Variants in GSTZ1 observed in about 807,000 individuals in gnomAD.
GSTZ1 encodes the protein maleylacetoacetate isomerase.
GSTZ1 carries 34 observed loss-of-function variants against 35.9 expected under a neutral mutation model. The observed-to-expected ratio is 0.95, with a 90% CI of 0.72 to 1.26. The LOEUF is 1.26. Among genes scored for constraint, GSTZ1 ranks in the 50% most tolerant of loss-of-function variants. The probability of loss-of-function intolerance (pLI) is 0.00; values close to 1 mark genes in which losing one functional copy is unlikely to be tolerated. For missense variants in GSTZ1, 263 were observed against 271.7 expected, an observed-to-expected ratio of 0.97 and a Z score of 0.23; for synonymous variants, 93 against 101.2, an observed-to-expected ratio of 0.92 and a Z score of 0.49.
intron 1 of GSTZ1, chr14:77,321,493 C>T (rs1180133896): frequency 2.8e-6 from 4 of 1,426,174 alleles, no homozygotes; most frequent in Non-Finnish European, 2.8e-6. Context: ...TCCACTAAGG[C>T]TTCCAAACGT....
Position 77,328,029 on chromosome 14 carries a change from C to T in GSTZ1, c.334C>T (p.Pro112Ser), listed in dbSNP as rs1285459120. The change falls in exon 5 of 9, where the codon CCC (proline) becomes TCC (serine). Residue 112 changes from proline (P) to serine (S), a missense_variant. Pro to Ser is a moderately conservative substitution (Grantham distance 74). Transcript: ENST00000216465. The stretch of plus-strand genomic sequence containing the variant: ...TGACCTCATCGCTGGTGGCATCCAG[C>T]CCCTGCAGGTGTGGCACTTGTACAC... ...ISDLIAGGIQ[P>S]LQNLSVLKQV... The T allele has an allele frequency of 6.2e-7, 1 of 1,613,758 alleles. No individual in the cohort carries two copies. Among genetic ancestry groups the T allele is most frequent in the African/African-American group, 1.3e-5 (1 of 74,884 alleles).
rs1892252125 is a variant in GSTZ1 at position 77,325,082 on chromosome 14, A to G, written c.67+161A>G. ...CGGCTCCTAGAACCCCCATCCCTGC[A>G]TGGCATCTCCACCCCGGAAACACAG... is the stretch of plus-strand genomic sequence containing the variant. On this transcript the variant is annotated intron_variant, in intron 2 of 8. Transcript: ENST00000216465. 4.6e-6 allele frequency: 3 copies of G among 657,888 alleles called. No individual in the cohort carries two copies. In the South Asian group the frequency reaches 5.1e-5, roughly 11 times the overall value. 40.8% of individuals were successfully genotyped at this position (657,888 alleles called of 1,614,324 possible).
rs1055749301 is a variant in GSTZ1, at chr14:77,326,682, G to T, written c.68-156G>T. On this transcript the variant is annotated intron_variant, in intron 2 of 8. Transcript: ENST00000216465. The stretch of plus-strand genomic sequence containing the variant: ...GGAGCACGTGGTGACAAGGAAAGCT[G>T]AGAGAAGGGGATAGTGCCACGGTGA... 2.0e-5 allele frequency: 12 copies of T among 596,116 alleles called. No individual in the cohort carries two copies. The African/African-American group carries it at 2.0e-4, about 10-fold the overall frequency. The allele number at this position is 596,116 out of a possible 1,614,324, so 36.9% of individuals were successfully genotyped here.
intron 2 of GSTZ1, 114 bp downstream of exon 2, chr14:77,325,035 A>C: frequency 1.2e-6 from 1 of 829,764 alleles, no homozygotes; most frequent in Non-Finnish European, 2.1e-6. Context: ...AGAGGACCTC[A>C]CCCCCAGCAA....
chr14:77,326,133 C>A (rs1380364874), intron 2 of GSTZ1: 1 of 152,194 alleles, frequency 6.6e-6, no homozygotes, highest in Admixed American at 6.5e-5. Flanking sequence ...TGCATGCACA[C>A]GCACGCAGTC....
Position 77,331,084 on chromosome 14 carries a change from C to T in GSTZ1, c.540C>T (p.Leu180=), listed in dbSNP as rs1892604357. The T allele has an allele frequency of 6.2e-7, 1 of 1,613,802 alleles. No homozygotes were observed. Among genetic ancestry groups the T allele is most frequent in the African/African-American group, 1.3e-5 (1 of 74,914 alleles). The change falls in exon 9 of 9, where the codon CTC becomes CTT. Residue 180 remains leucine (L), a synonymous_variant. Transcript: ENST00000216465. ...TCTACTACAGATTCAAGGTGGATCT[C>T]ACCCCCTACCCTACCATCAGCTCCA... is the stretch of plus-strand genomic sequence containing the variant. ...VANAERFKVD[L]TPYPTISSIN...
chr14:77,325,062 C>T, intron 2 of GSTZ1, 141 bp downstream of exon 2: 2 of 703,302 alleles, frequency 2.8e-6, no homozygotes, highest in East Asian at 5.4e-5. Flanking sequence ...TCCCCCGGCT[C>T]CTAGAACCCC....
At position 77,324,970 on chromosome 14, in the gene GSTZ1, G is replaced by A. The variant is rs370217197; in HGVS notation, c.67+49G>A. ...ATGAGTGCTGGAGTGGGGTGGACTG[G>A]GGCGGATAAGCCCGGGTGCAAAGCT... On this transcript the variant is annotated intron_variant, in intron 2 of 8. Coordinates refer to ENST00000216465, the MANE Select transcript of GSTZ1 (RefSeq NM_145870.3). 1.3e-4 allele frequency: 198 copies of A among 1,502,180 alleles called. No individual in the cohort carries two copies. In the Admixed American group the frequency reaches 2.9e-3, roughly 22 times the overall value. The allele number at this position is 1,502,180 out of a possible 1,614,324, so 93.1% of individuals were successfully genotyped here. A position where few individuals can be genotyped will look rare whatever the true frequency, so the allele number is the denominator to read the frequency against.
chr14:77,324,919 T>A lies in GSTZ1; in HGVS notation c.65T>A (p.Ile22Asn). 6.2e-7 allele frequency: 1 copy of A among 1,612,902 alleles called. No individual in the cohort carries two copies. Among genetic ancestry groups the A allele is most frequent in the Non-Finnish European group, 8.5e-7 (1 of 1,178,888 alleles). The change falls in exon 2 of 9, where the codon ATT (isoleucine) becomes AAT (asparagine). Residue 22 changes from isoleucine to asparagine, a missense_variant and splice_region_variant. Coordinates refer to ENST00000216465, the MANE Select transcript of GSTZ1 (RefSeq NM_145870.3). ...AGCTCCTGCTCATGGAGAGTTCGAATTGGTAAGAGATGTGCCTCCTCCAGG... is the reference window on the plus strand; with the variant it reads ...AGCTCCTGCTCATGGAGAGTTCGAAATGGTAAGAGATGTGCCTCCTCCAGG... ...FRSSCSWRVRIALALKGIDYE... is the reference protein window; with the variant it reads ...FRSSCSWRVRNALALKGIDYE...
intron 2 of GSTZ1, chr14:77,326,396 C>T (rs1892314811): frequency 6.2e-6 from 1 of 160,546 alleles, no homozygotes; most frequent in East Asian, 1.8e-4. Context: ...CACCTGAGCT[C>T]CTTCCCTTGG....
intron 4 of GSTZ1, 146 bp from the exon 5 acceptor site, chr14:77,327,766 C>G: frequency 2.5e-6 from 2 of 810,986 alleles, no homozygotes; most frequent in East Asian, 5.2e-5. Context: ...TCCAAAAAGG[C>G]TTATAGGGCT....
rs553754398 is a variant in GSTZ1, at chr14:77,322,796, A to T, written c.15+1613A>T. The T allele has an allele frequency of 5.4e-6, 4 of 742,330 alleles. No homozygotes were observed. In the East Asian group the frequency reaches 5.2e-4, roughly 96 times the overall value. The allele number at this position is 742,330 out of a possible 1,614,324, so 46.0% of individuals were successfully genotyped here. A position where few individuals can be genotyped will look rare whatever the true frequency, so the allele number is the denominator to read the frequency against. ...CCATCTTGGAAGGGCCTAGGTTCCC[A>T]CTTACACCCTTGCCATCTAGCAGAC... On this transcript the variant is annotated intron_variant, in intron 1 of 8. Transcript: ENST00000216465.
intron 2 of GSTZ1, chr14:77,325,193 T>C: frequency 2.3e-6 from 1 of 437,274 alleles, no homozygotes; most frequent in East Asian, 4.1e-5. Flanking sequence ...TTGGCAACCA[T>C]GTTTAAAGCA....
At position 77,328,055 on chromosome 14, in the gene GSTZ1, T is replaced by C; in HGVS notation, c.342+18T>C. 6.2e-7 allele frequency: 1 copy of C among 1,601,840 alleles called. No individual in the cohort carries two copies. The highest frequency in any genetic ancestry group is 8.5e-7 in the Non-Finnish European group (1 of 1,178,614). On this transcript the variant is annotated intron_variant, in intron 5 of 8. Coordinates refer to ENST00000216465, the MANE Select transcript of GSTZ1 (RefSeq NM_145870.3). ...CCCTGCAGGTGTGGCACTTGTACAC[T>C]TGCACCCTTGCACACCTGACACACT...
Position 77,327,947 on chromosome 14 carries a change from C to T in GSTZ1, c.252C>T (p.Pro84=). 1.2e-6 allele frequency: 2 copies of T among 1,613,886 alleles called. No homozygotes were observed. The highest frequency in any genetic ancestry group is 2.2e-5 in the East Asian group (1 of 44,866). The change falls in exon 5 of 9, where the codon CCC becomes CCT. Residue 84 remains proline, a synonymous_variant. Transcript: ENST00000216465. ...AIIEYLEEMR[P]TPRLLPQDPK... is the part of the protein sequence containing the mutation. ...TTGAGTATCTAGAGGAGATGCGTCC[C>T]ACTCCGCGACTTCTGCCTCAGGACC...
chr14:77,330,260 C>T, intron 7 of GSTZ1, 50 bp from the exon 8 acceptor site: 1 of 1,355,138 alleles, frequency 7.4e-7, no homozygotes, highest in Non-Finnish European at 1.1e-6. Flanking sequence ...AGTCCAGCCA[C>T]TGACTCTGGG....
At chr14:77,327,844 C>A (rs886954516) in intron 4 of GSTZ1, 68 bp from the exon 5 acceptor site, 19 of 1,500,708 alleles carry the variant, frequency 1.3e-5, no homozygotes, top group Middle Eastern at 1.7e-4. Context: ...GAGGAGTTTG[C>A]TGGCCCTGTC....
intron 1 of GSTZ1, chr14:77,323,380 T>C (rs1382349117): frequency 6.6e-6 from 1 of 152,212 alleles, no homozygotes; most frequent in African/African-American, 2.4e-5. Flanking sequence ...GGAGTCTTGC[T>C]CTGTCCCCCA....
chr14:77,329,885 T>G, intron 7 of GSTZ1, 78 bp downstream of exon 7: 1 of 1,105,502 alleles, frequency 9.0e-7, no homozygotes, highest in Admixed American at 1.7e-5. Context: ...AGCTCAGAGC[T>G]TCCTGAGAAG....
Sources: allele counts gnomAD v4.1 joint callset, GRCh38; gene constraint gnomAD v4.1.1; transcripts MANE v1.5; gene names NCBI Gene and HGNC (gene_info 2026-07-23, HGNC 2026-07-21).